The following VSTM2B variants were observed in gnomAD, a reference collection of about 807,000 sequenced individuals.
VSTM2B encodes V-set and transmembrane domain-containing protein 2B.
A neutral mutation model predicts 24.0 loss-of-function variants in VSTM2B; 24 were observed. The ratio of observed to expected loss-of-function variants is 1.00; its 90% CI spans 0.72 to 1.40. The LOEUF is 1.40. Among genes scored for constraint, VSTM2B ranks in the 40% most tolerant of loss-of-function variants. VSTM2B has a pLI of 0.00. For synonymous variants in VSTM2B, 226 were observed against 194.4 expected (o/e 1.16, Z -1.35); for missense variants, 399 against 416.4 (o/e 0.96, Z 0.36).
chr19:29,541,294 G>T (rs1415068052), intron 4 of VSTM2B, among the ~76,000 whole-genome samples: 4 of 152,156 alleles, frequency 2.6e-5, no homozygotes, highest in Admixed American at 1.3e-4. Context: ...TGATAGATGG[G>T]GAAGACCACT....
At chr19:29,560,644 G>A (rs1271261056) in intron 4 of VSTM2B, among the ~76,000 whole-genome samples, 1 of 152,180 alleles carries the variant, frequency 6.6e-6, no homozygotes, top group Non-Finnish European at 1.5e-5. Context: ...CAGCCCCACT[G>A]CCACTGTAGC....
At chr19:29,532,323 G>A (rs191694101) in intron 4 of VSTM2B, among the ~76,000 whole-genome samples, 131 of 152,252 alleles carry the variant, frequency 8.6e-4, no homozygotes, top group African/African-American at 2.9e-3. Context: ...TTGGTGTGGC[G>A]GCTGCTTTCG....
intron 3 of VSTM2B, chr19:29,528,960 A>AG (rs1008777071): frequency 2.0e-6 from 2 of 985,120 alleles, no homozygotes; most frequent in African/African-American, 1.7e-5. Flanking sequence ...GGGACGGGGT[A>AG]GGGGGTGGTT....
chr19:29,556,099 CA>C (rs71171739), intron 4 of VSTM2B, among the ~76,000 whole-genome samples: 15,213 of 137,568 alleles, frequency 0.11, 1,555 homozygotes, highest in African/African-American at 0.28. Flanking sequence ...GGCAGAGATA[CA>C]AAAAAAAAAA....
intron 3 of VSTM2B, 26 bp from the exon 4 acceptor site, chr19:29,529,793 C>T (rs748743395): frequency 1.7e-5 from 27 of 1,543,928 alleles, no homozygotes; most frequent in Non-Finnish European, 2.4e-5. Context: ...CTGCCCAGCC[C>T]GGCCTCTAAC....
chr19:29,545,538 G>A (rs1970133665), intron 4 of VSTM2B, among the ~76,000 whole-genome samples: 1 of 152,164 alleles, frequency 6.6e-6, no homozygotes, highest in Non-Finnish European at 1.5e-5. Flanking sequence ...ACTTGAACCT[G>A]GGAGGTGGAG....
chr19:29,535,737 C>A (rs986349611), intron 4 of VSTM2B, among the ~76,000 whole-genome samples: 2 of 152,142 alleles, frequency 1.3e-5, no homozygotes, highest in African/African-American at 4.8e-5. Context: ...GAAGGAATGG[C>A]ACACACGTGA....
At chr19:29,533,900 G>C (rs553919190) in intron 4 of VSTM2B, among the ~76,000 whole-genome samples, 1 of 152,332 alleles carries the variant, frequency 6.6e-6, no homozygotes, top group East Asian at 1.9e-4. Context: ...GAGGGAGCTC[G>C]GGGCAGACGA....
At chr19:29,530,411 C>A in intron 4 of VSTM2B, 121 bp downstream of exon 4, 1 of 866,004 alleles carries the variant, frequency 1.2e-6, no homozygotes, top group Non-Finnish European at 1.6e-6. Context: ...CATATGCATA[C>A]TCCTTCCTAG....
At chr19:29,535,461 C>T (rs999950806) in intron 4 of VSTM2B, among the ~76,000 whole-genome samples, 1 of 152,166 alleles carries the variant, frequency 6.6e-6, no homozygotes, top group Non-Finnish European at 1.5e-5. Context: ...GGCACCATGG[C>T]CCCCACAGAG....
rs56117774 is a variant in VSTM2B at position 29,545,158 on chromosome 19, G to A, written c.769+14868G>A. Among the ~76,000 whole-genome samples, 252 of 152,242 alleles carry A rather than the reference G, an allele frequency of 1.7e-3. 2 individuals are homozygous for A. Among genetic ancestry groups the A allele is most frequent in the African/African-American group, 5.8e-3 (242 of 41,528 alleles). Reference sequence around the variant, plus strand: ...TGAGGAGGACGGAAATGAGTGAATGGGAGGTCTCCGGGGGTCGGCAGGGTG... The same window carrying A: ...TGAGGAGGACGGAAATGAGTGAATGAGAGGTCTCCGGGGGTCGGCAGGGTG... On this transcript the variant is annotated intron_variant, in intron 4 of 4. Transcript: ENST00000335523.
chr19:29,563,987 C>T lies in VSTM2B; in HGVS notation c.*53C>T. 6.9e-7 allele frequency: 1 copy of T among 1,452,462 alleles called. No homozygotes were observed. The highest frequency in any genetic ancestry group is 1.2e-5 in the South Asian group (1 of 82,028). The allele number at this position is 1,452,462 out of a possible 1,614,324, so 90.0% of individuals were successfully genotyped here. ...AGGCCGCACATGACCTGCCCGGGGCCCTCGGTGAGGACCATGTCGCTGGAT... is the reference window on the plus strand; with the variant it reads ...AGGCCGCACATGACCTGCCCGGGGCTCTCGGTGAGGACCATGTCGCTGGAT... On this transcript the variant is annotated 3_prime_UTR_variant, in exon 5 of 5. Coordinates refer to ENST00000335523, the MANE Select transcript of VSTM2B (RefSeq NM_001146339.2).
In VSTM2B at chr19:29,558,413, G is replaced by A. The variant is rs540587188; in HGVS notation, c.770-5433G>A. Reference sequence around the variant, plus strand: ...CTATTATAAAGATACATGCACACACGTGTTCACTGCAGCACTATTCACAAT... The same window carrying A: ...CTATTATAAAGATACATGCACACACATGTTCACTGCAGCACTATTCACAAT... On this transcript the variant is annotated intron_variant, in intron 4 of 4. Transcript: ENST00000335523. Among the ~76,000 whole-genome samples, 41 of 152,138 alleles carry A rather than the reference G, an allele frequency of 2.7e-4. No homozygotes were observed. In the South Asian group the frequency reaches 6.6e-3, roughly 25 times the overall value.
rs1289893201 is a variant in VSTM2B, at chr19:29,526,264, G to C, written c.-320G>C. ...GCGCGGCCCAGCCCCTGCCCGGCCC[G>C]CCGGGCAGAGACTGAACCGCGGATC... is the stretch of plus-strand genomic sequence containing the variant. On this transcript the variant is annotated 5_prime_UTR_variant, in exon 1 of 5. Coordinates refer to ENST00000335523, the MANE Select transcript of VSTM2B (RefSeq NM_001146339.2). This position sits in a 1 kb window ranked among gnomAD's most constrained non-coding sequence, Gnocchi z 4.1. 6.6e-6 allele frequency among the ~76,000 whole-genome samples: 1 copy of C among 151,816 alleles called. No individual in the cohort carries two copies. Among genetic ancestry groups the C allele is most frequent in the Non-Finnish European group, 1.5e-5 (1 of 67,920 alleles).
intron 4 of VSTM2B, among the ~76,000 whole-genome samples, chr19:29,538,468 G>T (rs118059458): frequency 2.6e-5 from 4 of 152,194 alleles, no homozygotes; most frequent in Non-Finnish European, 4.4e-5. Context: ...AGGGTGCTCC[G>T]ATCTGAGACT....
At chr19:29,532,814 A>AT (rs1289418190) in intron 4 of VSTM2B, among the ~76,000 whole-genome samples, 1 of 152,240 alleles carries the variant, frequency 6.6e-6, no homozygotes, top group Non-Finnish European at 1.5e-5. Flanking sequence ...AAGCCAGGCT[A>AT]TGGAGGGCCT....
intron 4 of VSTM2B, among the ~76,000 whole-genome samples, chr19:29,560,648 C>G (rs1053610954): frequency 2.9e-4 from 44 of 152,354 alleles, no homozygotes; most frequent in African/African-American, 1.0e-3. Flanking sequence ...CCCACTGCCA[C>G]TGTAGCCCCC....
In VSTM2B at chr19:29,527,034, C is replaced by T. The variant is rs556538037; in HGVS notation, c.83-177C>T. ...GTAGGCAGCCGATGGCCGGTCCCTGCCTCGGCCCTGCAGCCGCTTCCCCGA... is the reference window on the plus strand; with the variant it reads ...GTAGGCAGCCGATGGCCGGTCCCTGTCTCGGCCCTGCAGCCGCTTCCCCGA... On this transcript the variant is annotated intron_variant, in intron 1 of 4. Coordinates refer to ENST00000335523, the MANE Select transcript of VSTM2B (RefSeq NM_001146339.2). 5.4e-5 allele frequency: 32 copies of T among 590,630 alleles called. 1 individual carries two copies. In the South Asian group the frequency reaches 7.4e-4, roughly 14 times the overall value. 36.6% of individuals were successfully genotyped at this position (590,630 alleles called of 1,614,324 possible).
At chr19:29,528,299 C>A in intron 2 of VSTM2B, 134 bp from the exon 3 acceptor site, 3 of 1,113,472 alleles carry the variant, frequency 2.7e-6, no homozygotes, top group Non-Finnish European at 3.9e-6. Flanking sequence ...TCCTTTGTGC[C>A]CTCAACCCCC....
Sources: gnomAD v4.1 joint callset for allele counts (sites outside exome capture counted in the v4.1 genomes callset) on GRCh38, gnomAD v4.1.1 for gene constraint, Gnocchi (gnomAD v3.1) non-coding constraint, MANE v1.5 for transcripts, NCBI Gene and HGNC (gene_info 2026-07-23, HGNC 2026-07-21) for gene names.